TPD52: variants seen among roughly 807,000 people sequenced by gnomAD.
TPD52 encodes tumor protein D52.
A neutral mutation model predicts 31.3 loss-of-function variants in TPD52; 17 were observed. The ratio of observed to expected loss-of-function variants is 0.54; its 90% CI spans 0.37 to 0.82. The LOEUF (loss-of-function observed/expected upper bound fraction) is 0.82. Ranked by LOEUF, TPD52 falls within the 40% of genes least tolerant of loss-of-function variation. The pLI, the probability that TPD52 is intolerant of heterozygous loss-of-function variation, is 0.00. For missense variants in TPD52, 212 were observed against 240.1 expected, an observed-to-expected ratio of 0.88 and a Z score of 0.77; for synonymous variants, 83 against 89.6, an observed-to-expected ratio of 0.93 and a Z score of 0.42.
intron 1 of TPD52, among the ~76,000 whole-genome samples, chr8:80,161,321 C>T (rs182638893): frequency 4.1e-4 from 63 of 152,310 alleles, no homozygotes; most frequent in African/African-American, 1.5e-3. Flanking sequence ...ATATTTAGAA[C>T]ATATATTCCT....
chr8:80,124,425 G>A (rs141067448), intron 1 of TPD52, among the ~76,000 whole-genome samples: 3 of 152,078 alleles, frequency 2.0e-5, no homozygotes, highest in East Asian at 1.9e-4. Context: ...CACCCTCCTC[G>A]GCCTCCCAAA....
At chr8:80,101,743 G>C (rs1442808655) in intron 1 of TPD52, among the ~76,000 whole-genome samples, 1 of 152,046 alleles carries the variant, frequency 6.6e-6, no homozygotes. Flanking sequence ...TGAACCAACC[G>C]GGTGAGAACT....
intron 1 of TPD52, among the ~76,000 whole-genome samples, chr8:80,096,687 T>C (rs1351275859): frequency 6.6e-6 from 1 of 152,172 alleles, no homozygotes; most frequent in Non-Finnish European, 1.5e-5. Flanking sequence ...ATTGTAATTG[T>C]TTTGGGATGC....
At chr8:80,089,934 T>G (rs1816122881) in intron 1 of TPD52, among the ~76,000 whole-genome samples, 2 of 152,152 alleles carry the variant, frequency 1.3e-5, no homozygotes, top group South Asian at 4.1e-4. Context: ...GGAGAGAAAC[T>G]GGATAAGATC....
At chr8:80,161,887 G>A (rs569302846) in intron 1 of TPD52, among the ~76,000 whole-genome samples, 6 of 151,624 alleles carry the variant, frequency 4.0e-5, no homozygotes. Flanking sequence ...GCACCACCAC[G>A]CCGGGCTAAT....
At position 80,054,763 on chromosome 8, in the gene TPD52, A is replaced by G. The variant is rs538778239; in HGVS notation, c.136-1333T>C. Among the ~76,000 whole-genome samples, 29 of 152,100 alleles carry G rather than the reference A, an allele frequency of 1.9e-4. No homozygotes were observed. In the South Asian group the frequency reaches 5.0e-3, roughly 26 times the overall value. On this transcript the variant is annotated intron_variant, in intron 2 of 7. Coordinates refer to ENST00000518937, the MANE Select transcript of TPD52 (RefSeq NM_001025253.3). ...TGCCAAGAAAAAAAAAAAAAGAAGA[A>G]AAAGAACCTACAACACCACTCTCAG... is the stretch of plus-strand genomic sequence containing the variant.
chr8:80,169,312 T>G (rs935794895), intron 1 of TPD52, among the ~76,000 whole-genome samples: 3 of 152,294 alleles, frequency 2.0e-5, no homozygotes, highest in Admixed American at 2.0e-4. Context: ...AGCAAAGCTT[T>G]GGAGTAAATG....
intron 3 of TPD52, chr8:80,051,850 A>T: frequency 2.2e-6 from 1 of 446,026 alleles, no homozygotes; most frequent in Non-Finnish European, 3.9e-6. Context: ...GCCCTAGTCC[A>T]GCCAGAAAGA....
At chr8:80,101,008 C>T (rs12675684) in intron 1 of TPD52, among the ~76,000 whole-genome samples, 1 of 152,206 alleles carries the variant, frequency 6.6e-6, no homozygotes, top group Admixed American at 6.5e-5. Context: ...TACATCATTC[C>T]TGAGCTCAGA....
At chr8:80,045,339 C>A (rs895491939) in intron 5 of TPD52, among the ~76,000 whole-genome samples, 6 of 152,212 alleles carry the variant, frequency 3.9e-5, no homozygotes, top group African/African-American at 1.4e-4. Flanking sequence ...GGAATAGTCA[C>A]ATTGCCACAA....
intron 1 of TPD52, among the ~76,000 whole-genome samples, chr8:80,168,993 T>A (rs1245261072): frequency 2.0e-5 from 3 of 152,160 alleles, no homozygotes; most frequent in African/African-American, 7.2e-5. Context: ...TTTGTGTTTG[T>A]TTGTTTTTTG....
At chr8:80,133,148 T>C (rs1225290006) in intron 1 of TPD52, among the ~76,000 whole-genome samples, 2 of 152,190 alleles carry the variant, frequency 1.3e-5, no homozygotes, top group East Asian at 3.8e-4. Flanking sequence ...TAAAACCAGG[T>C]ATGCACATAT....
At chr8:80,124,978 C>A (rs1177406783) in intron 1 of TPD52, among the ~76,000 whole-genome samples, 1 of 152,132 alleles carries the variant, frequency 6.6e-6, no homozygotes, top group Non-Finnish European at 1.5e-5. Flanking sequence ...AATCGATAAA[C>A]CTACACTGAT....
At chr8:80,085,741 C>G in intron 1 of TPD52, among the ~76,000 whole-genome samples, 1 of 152,122 alleles carries the variant, frequency 6.6e-6, no homozygotes, top group Non-Finnish European at 1.5e-5. Flanking sequence ...AAGATTCAGA[C>G]AAAAATCATC....
At chr8:80,117,734 CTT>C (rs57998208) in intron 1 of TPD52, among the ~76,000 whole-genome samples, 17 of 131,354 alleles carry the variant, frequency 1.3e-4, no homozygotes, top group Non-Finnish European at 1.7e-4. Context: ...TTTTTTCTTT[CTT>C]TTTTTTTTTT....
chr8:80,108,469 T>C (rs1041671870), intron 1 of TPD52, among the ~76,000 whole-genome samples: 1 of 152,224 alleles, frequency 6.6e-6, no homozygotes, highest in Non-Finnish European at 1.5e-5. Flanking sequence ...AATTTAACTA[T>C]GGCCATCTTA....
chr8:80,053,269 C>A lies in TPD52; in HGVS notation c.284+13G>T. ...TACACTCCCAAGGAAAGTGTATGAT[C>A]AAGGAAACATACGCAGATGTTGCTG... On this transcript the variant is annotated intron_variant, in intron 3 of 7. Transcript: ENST00000518937. 1.2e-6 allele frequency: 2 copies of A among 1,612,398 alleles called. No homozygotes were observed. The highest frequency in any genetic ancestry group is 2.2e-5 in the South Asian group (2 of 90,840).
chr8:80,154,370 C>T (rs990105169), intron 1 of TPD52, among the ~76,000 whole-genome samples: 1 of 152,318 alleles, frequency 6.6e-6, no homozygotes, highest in East Asian at 1.9e-4. Flanking sequence ...CGAACCCTCC[C>T]TGGTGGCCAA....
At chr8:80,117,878 G>A (rs551024209) in intron 1 of TPD52, among the ~76,000 whole-genome samples, 35 of 151,648 alleles carry the variant, frequency 2.3e-4, no homozygotes, top group Admixed American at 6.6e-4. Flanking sequence ...GACTACAGGC[G>A]CGTGCCACCA....
Sources: gnomAD v4.1 joint callset for allele counts (sites outside exome capture counted in the v4.1 genomes callset) on GRCh38, gnomAD v4.1.1 for gene constraint, MANE v1.5 for transcripts, NCBI Gene and HGNC (gene_info 2026-07-23, HGNC 2026-07-21) for gene names.